LHFPL6: variants seen among roughly 807,000 people sequenced by gnomAD.
LHFPL6 encodes the protein LHFPL tetraspan subfamily member 6.
LHFPL6 carries 9 observed loss-of-function variants against 20.6 expected under a neutral mutation model. The observed-to-expected ratio is 0.44, with a 90% CI of 0.26 to 0.76. LHFPL6 has a LOEUF of 0.76. Ranked by LOEUF, LHFPL6 falls within the 30% of genes least tolerant of loss-of-function variation. The pLI is 0.20. For missense variants in LHFPL6, 218 were observed against 253.5 expected, an observed-to-expected ratio of 0.86 and a Z score of 0.95; for synonymous variants, 105 against 98.7, an observed-to-expected ratio of 1.06 and a Z score of -0.38.
chr13:39,575,042 G>T (rs1428303891), intron 2 of LHFPL6, among the ~76,000 whole-genome samples: 1 of 151,962 alleles, frequency 6.6e-6, no homozygotes, highest in Non-Finnish European at 1.5e-5. Context: ...CTGCACTTTG[G>T]CCTCGCGACA....
At chr13:39,564,320 T>C (rs76915539) in intron 2 of LHFPL6, among the ~76,000 whole-genome samples, 2,659 of 152,314 alleles carry the variant, frequency 0.017, 34 homozygotes, top group Non-Finnish European at 0.029. Flanking sequence ...ATGACCTCTT[T>C]GGAGTCCTTC....
chr13:39,429,345 C>T (rs185160797), intron 2 of LHFPL6, among the ~76,000 whole-genome samples: 150 of 152,160 alleles, frequency 9.9e-4, no homozygotes, highest in African/African-American at 3.4e-3. Flanking sequence ...TATAAGGTAT[C>T]CTGATGAATT....
chr13:39,484,856 CCA>C (rs1433383094), intron 2 of LHFPL6, among the ~76,000 whole-genome samples: 1 of 152,140 alleles, frequency 6.6e-6, no homozygotes, highest in Non-Finnish European at 1.5e-5. Context: ...GATGAGTTCC[CCA>C]GAGATTTGTG....
At chr13:39,440,894 T>C (rs1872105492) in intron 2 of LHFPL6, among the ~76,000 whole-genome samples, 3 of 152,146 alleles carry the variant, frequency 2.0e-5, no homozygotes, top group Non-Finnish European at 4.4e-5. Flanking sequence ...TCTGATGGTT[T>C]TAAAAATGGG....
chr13:39,430,235 C>T lies in LHFPL6; in HGVS notation c.386-51709G>A, dbSNP rs540300108. The stretch of plus-strand genomic sequence containing the variant: ...TGATTTCTCAAAACTTATTCCCCAT[C>T]TTCACCAAGCAACTGCCATCAGCTG... On this transcript the variant is annotated intron_variant, in intron 2 of 3. Transcript: ENST00000379589. Among the ~76,000 whole-genome samples the T allele has an allele frequency of 2.9e-4, 44 of 152,334 alleles. 1 individual carries two copies. Among genetic ancestry groups the T allele is most frequent in the Middle Eastern group, 3.4e-3 (1 of 294 alleles).
Position 39,561,935 on chromosome 13 carries a change from T to A in LHFPL6, c.385+38897A>T, listed in dbSNP as rs1871495892. On this transcript the variant is annotated intron_variant, in intron 2 of 3. Transcript: ENST00000379589. ...GATGAGAAAACTGAAGCTAGAGACTTTTTAAAAAATTTCCTAAAACTCATA... is the reference window on the plus strand; with the variant it reads ...GATGAGAAAACTGAAGCTAGAGACTATTTAAAAAATTTCCTAAAACTCATA... Among the ~76,000 whole-genome samples, 3 of 152,108 alleles carry A rather than the reference T, an allele frequency of 2.0e-5. No homozygotes were observed. The South Asian group carries it at 6.2e-4, about 32-fold the overall frequency.
intron 2 of LHFPL6, among the ~76,000 whole-genome samples, chr13:39,573,830 C>T (rs971527876): frequency 2.0e-5 from 3 of 152,086 alleles, no homozygotes; most frequent in African/African-American, 7.2e-5. Flanking sequence ...AATTATAAAA[C>T]ATAAAAAGGA....
intron 2 of LHFPL6, among the ~76,000 whole-genome samples, chr13:39,487,434 G>C (rs1332144535): frequency 6.6e-6 from 1 of 152,202 alleles, no homozygotes; most frequent in Non-Finnish European, 1.5e-5. Context: ...GGCTAAAGCA[G>C]TTAACCTTCC....
chr13:39,509,605 C>G (rs1380585449), intron 2 of LHFPL6, among the ~76,000 whole-genome samples: 1 of 151,640 alleles, frequency 6.6e-6, no homozygotes. Flanking sequence ...TTCTTCTATT[C>G]CAGTATTATC....
chr13:39,456,724 A>C (rs1318205330), intron 2 of LHFPL6, among the ~76,000 whole-genome samples: 1 of 152,266 alleles, frequency 6.6e-6, no homozygotes, highest in African/African-American at 2.4e-5. Context: ...TGAATTATGA[A>C]TCTCAACATA....
At chr13:39,525,901 C>A (rs1465825794) in intron 2 of LHFPL6, among the ~76,000 whole-genome samples, 1 of 150,202 alleles carries the variant, frequency 6.7e-6, no homozygotes, top group Non-Finnish European at 1.5e-5. Flanking sequence ...ACTCAGTGGA[C>A]AAACTAAAAC....
At chr13:39,470,272 A>T (rs1252862002) in intron 2 of LHFPL6, among the ~76,000 whole-genome samples, 3 of 152,176 alleles carry the variant, frequency 2.0e-5, no homozygotes, top group Non-Finnish European at 4.4e-5. Flanking sequence ...AAAACCCCCA[A>T]ATCTAATATG....
intron 2 of LHFPL6, among the ~76,000 whole-genome samples, chr13:39,522,923 C>T (rs1870157312): frequency 6.6e-6 from 1 of 152,134 alleles, no homozygotes; most frequent in Admixed American, 6.5e-5. Flanking sequence ...GCTGGTAAAT[C>T]AACCTTAAAG....
At chr13:39,417,247 G>A (rs1245792020) in intron 2 of LHFPL6, among the ~76,000 whole-genome samples, 1 of 152,212 alleles carries the variant, frequency 6.6e-6, no homozygotes, top group Non-Finnish European at 1.5e-5. Flanking sequence ...CAAAGGCACT[G>A]TTGGTTAACA....
intron 2 of LHFPL6, among the ~76,000 whole-genome samples, chr13:39,460,883 A>G (rs570368580): frequency 6.6e-6 from 1 of 152,030 alleles, no homozygotes; most frequent in East Asian, 1.9e-4. Context: ...GGTTTGTTAC[A>G]TGGGTAAATT....
At chr13:39,369,597 T>TCCTTCCTTCCTTCCTC (rs763910245) in intron 3 of LHFPL6, among the ~76,000 whole-genome samples, 5 of 87,450 alleles carry the variant, frequency 5.7e-5, no homozygotes, top group African/African-American at 1.7e-4. Context: ...CTTCCTTCCT[T>TCCTTCCTTCCTTCCTC]CCTCCCTCTC....
intron 2 of LHFPL6, among the ~76,000 whole-genome samples, chr13:39,400,651 C>T (rs898720090): frequency 4.0e-5 from 6 of 149,564 alleles, no homozygotes; most frequent in African/African-American, 7.3e-5. Flanking sequence ...GGCGTAGTGG[C>T]GGGCGCCTGT....
chr13:39,575,437 A>G (rs1872084433), intron 2 of LHFPL6, among the ~76,000 whole-genome samples: 1 of 152,220 alleles, frequency 6.6e-6, no homozygotes, highest in African/African-American at 2.4e-5. Context: ...TTAAAATTAA[A>G]AACTAGTATC....
At chr13:39,439,872 G>A (rs1379190899) in intron 2 of LHFPL6, among the ~76,000 whole-genome samples, 2 of 152,140 alleles carry the variant, frequency 1.3e-5, no homozygotes, top group Admixed American at 1.3e-4. Flanking sequence ...TATGCTTCCT[G>A]TACAGCCTGT....
Sources: gnomAD v4.1 joint callset for allele counts (sites outside exome capture counted in the v4.1 genomes callset) on GRCh38, gnomAD v4.1.1 for gene constraint, MANE v1.5 for transcripts, NCBI Gene and HGNC (gene_info 2026-07-23, HGNC 2026-07-21) for gene names.